Variants in NOL8 observed in about 807,000 individuals in gnomAD.
The protein encoded by NOL8 is nucleolar protein Nop132.
In NOL8, 93 loss-of-function variants were observed where a neutral mutation model predicts 116.1. The observed-to-expected ratio is 0.80, with a 90% confidence interval of 0.68 to 0.95. NOL8 has a LOEUF of 0.95. Ranked by LOEUF, NOL8 falls within the 40% of genes least tolerant of loss-of-function variation. The probability of loss-of-function intolerance (pLI) is 0.00; values close to 1 mark genes in which losing one functional copy is unlikely to be tolerated. For missense variants in NOL8, 1,291 were observed against 1,382.8 expected, an observed-to-expected ratio of 0.93 and a Z score of 1.05; for synonymous variants, 419 against 469.0, an observed-to-expected ratio of 0.89 and a Z score of 1.38.
chr9:92,300,774 C>T (rs1195777140), intron 13 of NOL8: 4 of 1,177,928 alleles, frequency 3.4e-6, no homozygotes, highest in Admixed American at 5.8e-5. Flanking sequence ...ACCGAGATTG[C>T]ACCACTGCAC....
intron 5 of NOL8, 76 bp downstream of exon 5, chr9:92,319,145 G>C: frequency 7.0e-7 from 1 of 1,421,712 alleles, no homozygotes; most frequent in African/African-American, 1.5e-5. Context: ...TTTTAGACAT[G>C]ACACCCACAA....
chr9:92,305,514 A>G (rs975238141), intron 12 of NOL8, among the ~76,000 whole-genome samples: 1 of 152,220 alleles, frequency 6.6e-6, no homozygotes, highest in Non-Finnish European at 1.5e-5. Flanking sequence ...CATCATTTAT[A>G]CAAATAAAAG....
chr9:92,324,873 A>G (rs1271190368), intron 1 of NOL8: 1 of 152,230 alleles, frequency 6.6e-6, no homozygotes, highest in African/African-American at 2.4e-5. Context: ...TCAGGAGAGC[A>G]GAAGAGGTTA....
chr9:92,324,962 T>C (rs1840330602), intron 1 of NOL8: 1 of 152,222 alleles, frequency 6.6e-6, no homozygotes, highest in Admixed American at 6.5e-5. Flanking sequence ...CTTGGAATTC[T>C]TAACACTATA....
chr9:92,300,653 C>A (rs1030735141), intron 13 of NOL8: 23 of 1,026,234 alleles, frequency 2.2e-5, no homozygotes, highest in Non-Finnish European at 2.4e-5. Context: ...CTCTACTCAA[C>A]AGTTTATATA....
chr9:92,305,758 T>C lies in NOL8; in HGVS notation c.2898A>G (p.Lys966=). 3 of 1,603,814 alleles carry C rather than the reference T, an allele frequency of 1.9e-6. No homozygotes were observed. The highest frequency in any genetic ancestry group is 2.6e-6 in the Non-Finnish European group (3 of 1,171,128). Residue 966 remains lysine, a synonymous_variant, in exon 12 of 17, where the codon AAA becomes AAG. Coordinates refer to ENST00000442668, the MANE Select transcript of NOL8 (RefSeq NM_017948.6). ...AAAGAAGTAGCTCTACTTACCTTTC[T>C]TTTGGCTTATCATCTCTTTTTCTTT... ...TYERKRDDKP[K]ESKAKRKKKR...
chr9:92,310,127 G>T, intron 10 of NOL8, 44 bp downstream of exon 10: 2 of 1,383,064 alleles, frequency 1.4e-6, no homozygotes, highest in Non-Finnish European at 1.0e-6. Context: ...ATTTCTCAGT[G>T]TCCCCAGATA....
intron 3 of NOL8, chr9:92,323,178 A>G (rs1004245223): frequency 1.1e-5 from 8 of 714,142 alleles, no homozygotes; most frequent in Non-Finnish European, 1.7e-5. Flanking sequence ...GGCAGTTTCT[A>G]TGAAAGTTTG....
Position 92,301,769 on chromosome 9 carries a change from G to A in NOL8, c.2957C>T (p.Ser986Phe). Residue 986 changes from serine to phenylalanine, a missense_variant, in exon 13 of 17, where the codon TCT becomes TTT. By Grantham distance (155) the Ser-to-Phe change is radical. Coordinates refer to ENST00000442668, the MANE Select transcript of NOL8 (RefSeq NM_017948.6). ...REEAEKLPEV[S>F]KEMYYNIAMD... ...AGCAATATTATAATACATTTCTTTA[G>A]ACACCTCAGGTAGTTTCTCAGCTTC... 1.2e-6 allele frequency: 2 copies of A among 1,601,842 alleles called. No homozygotes were observed. Among genetic ancestry groups the A allele is most frequent in the Admixed American group, 1.7e-5 (1 of 57,962 alleles).
intron 11 of NOL8, among the ~76,000 whole-genome samples, chr9:92,306,152 C>G (rs1451464863): frequency 6.6e-6 from 1 of 152,112 alleles, no homozygotes. Context: ...TGCCACCATG[C>G]CCGGCTAATT....
rs1309284579 is a variant in NOL8 at position 92,307,009 on chromosome 9, T to A, written c.2702A>T (p.Lys901Ile). 2 of 1,610,442 alleles carry A rather than the reference T, an allele frequency of 1.2e-6. No homozygotes were observed. Among genetic ancestry groups the A allele is most frequent in the Admixed American group, 1.7e-5 (1 of 59,630 alleles). ...EEEQEEVNEK[K>I]TAEEEELAEE... is the part of the protein sequence containing the mutation. Reference sequence around the variant, plus strand: ...AGCAAGCTCTTCTTCCTCAGCAGTTTTCTTTTCATTTACCTCTTTGAGGAA... The same window carrying A: ...AGCAAGCTCTTCTTCCTCAGCAGTTATCTTTTCATTTACCTCTTTGAGGAA... Residue 901 changes from lysine (K) to isoleucine (I), a missense_variant, in exon 11 of 17, where the codon AAA becomes ATA. By Grantham distance (102) the Lys-to-Ile change is moderately radical. Coordinates refer to ENST00000442668, the MANE Select transcript of NOL8 (RefSeq NM_017948.6).
Position 92,312,932 on chromosome 9 carries a change from C to G in NOL8, c.2358+1335G>C, listed in dbSNP as rs147959625. Among the ~76,000 whole-genome samples, 374 of 151,462 alleles carry G rather than the reference C, an allele frequency of 2.5e-3. 1 individual carries two copies. Among genetic ancestry groups the G allele is most frequent in the Non-Finnish European group, 3.7e-3 (253 of 67,848 alleles). ...TACACCGAACCTCCAAGACACACAG[C>G]TTACCCATGTAACAAACCTGCACAT... On this transcript the variant is annotated intron_variant, in intron 7 of 16. Transcript: ENST00000442668.
rs367851135 is a variant in NOL8, at chr9:92,316,130, T to C, written c.495A>G (p.Lys165=). 62 of 1,612,342 alleles carry C rather than the reference T, an allele frequency of 3.8e-5. No homozygotes were observed. The African/African-American group carries it at 5.9e-4, about 15-fold the overall frequency. The part of the protein sequence containing the change: ...LKNQHKRKII[K]YDPSKYCHNL... ...TGTGGCAGTATTTTGAGGGATCATATTTGATGATGTTACGCAAGTCAAGAA... is the reference window on the plus strand; with the variant it reads ...TGTGGCAGTATTTTGAGGGATCATACTTGATGATGTTACGCAAGTCAAGAA... Residue 165 remains lysine (K), a synonymous_variant, in exon 7 of 17, where the codon AAA becomes AAG. Transcript: ENST00000442668.
intron 12 of NOL8, among the ~76,000 whole-genome samples, chr9:92,303,055 G>C (rs1021215005): frequency 1.3e-5 from 2 of 152,134 alleles, no homozygotes; most frequent in African/African-American, 4.8e-5. Context: ...CCAGCGAAGT[G>C]TTAAAGGTAT....
intron 10 of NOL8, among the ~76,000 whole-genome samples, chr9:92,309,710 T>A (rs1838595917): frequency 6.6e-6 from 1 of 152,180 alleles, no homozygotes; most frequent in South Asian, 2.1e-4. Context: ...TACTCTTAGA[T>A]ACATTCAAAC....
At chr9:92,318,744 T>C in intron 5 of NOL8, 58 bp from the exon 6 acceptor site, 5 of 1,118,076 alleles carry the variant, frequency 4.5e-6, no homozygotes, top group Non-Finnish European at 6.3e-6. Context: ...AAAGATTTAA[T>C]AACAATATTA....
At position 92,301,738 on chromosome 9, in the gene NOL8, A is replaced by T. The variant is rs1183396196; in HGVS notation, c.2988T>A (p.Asp996Glu). ...TTGTAGTTTGGAATATTTCTTTCAG[A>T]TCCATAGCAATATTATAATACATTT... is the stretch of plus-strand genomic sequence containing the variant. ...SKEMYYNIAMDLKEIFQTTKY... is the reference protein window; with the variant it reads ...SKEMYYNIAMELKEIFQTTKY... The change falls in exon 13 of 17, where the codon GAT becomes GAA. Residue 996 changes from aspartate (D) to glutamate (E), a missense_variant. Coordinates refer to ENST00000442668, the MANE Select transcript of NOL8 (RefSeq NM_017948.6). 1 of 1,605,710 alleles carries T rather than the reference A, an allele frequency of 6.2e-7. No homozygotes were observed. The highest frequency in any genetic ancestry group is 8.5e-7 in the Non-Finnish European group (1 of 1,176,618).
At chr9:92,310,373 G>A (rs1305690306) in intron 9 of NOL8, 112 bp from the exon 10 acceptor site, 8 of 1,178,008 alleles carry the variant, frequency 6.8e-6, no homozygotes, top group East Asian at 2.4e-5. Context: ...ACATTAAGAT[G>A]TTTGCCTACC....
chr9:92,300,760 G>C (rs1233891328), intron 13 of NOL8: 1 of 1,191,808 alleles, frequency 8.4e-7, no homozygotes, highest in African/African-American at 1.6e-5. Context: ...TTATCTGCTA[G>C]TGAACCGAGA....
Sources: gnomAD v4.1 joint callset for allele counts (sites outside exome capture counted in the v4.1 genomes callset) on GRCh38, gnomAD v4.1.1 for gene constraint, MANE v1.5 for transcripts, NCBI Gene and HGNC (gene_info 2026-07-23, HGNC 2026-07-21) for gene names.